The following CCT6A variants were observed in gnomAD, a reference collection of about 807,000 sequenced individuals.
CCT6A encodes T-complex protein 1 subunit zeta.
CCT6A carries 6 observed loss-of-function variants against 58.6 expected under a neutral mutation model. The observed-to-expected ratio is 0.10, with a 90% CI of 0.06 to 0.20. The LOEUF (loss-of-function observed/expected upper bound fraction) is 0.20, where lower values mean the gene tolerates loss of function less well. Among genes scored for constraint, CCT6A ranks in the 10% least tolerant of loss-of-function variants. The probability of loss-of-function intolerance (pLI) is 1.00; values close to 1 mark genes in which losing one functional copy is unlikely to be tolerated. For synonymous variants in CCT6A, 245 were observed against 227.8 expected (o/e 1.08, Z -0.68); for missense variants, 516 against 648.8 (o/e 0.80, Z 2.22).
chr7:56,054,127 T>C (rs972794795), intron 2 of CCT6A, among the ~76,000 whole-genome samples: 4 of 152,188 alleles, frequency 2.6e-5, no homozygotes, highest in African/African-American at 7.2e-5. Context: ...AGTAAACTTC[T>C]ACTGAGCCTC....
intron 5 of CCT6A, among the ~76,000 whole-genome samples, chr7:56,056,851 C>T (rs1222569980): frequency 8.1e-5 from 12 of 148,616 alleles, no homozygotes; most frequent in Non-Finnish European, 1.3e-4. Context: ...CTGGAGTGTA[C>T]AGTGGCATGA....
chr7:56,062,688 C>T lies in CCT6A; in HGVS notation c.1456C>T (p.Pro486Ser). The T allele has an allele frequency of 1.2e-6, 2 of 1,613,618 alleles. No homozygotes were observed. The highest frequency in any genetic ancestry group is 2.2e-5 in the South Asian group (2 of 91,058). ...AAGATTTGGTTGCCTTTTAGGTGAGCCAATGGTGGCAGCAGAAGTAGGCGT... is the reference window on the plus strand; with the variant it reads ...AAGATTTGGTTGCCTTTTAGGTGAGTCAATGGTGGCAGCAGAAGTAGGCGT... ...LVGVDLNTGE[P>S]MVAAEVGVWD... Residue 486 changes from proline (P) to serine (S), a missense_variant, in exon 13 of 14, where the codon CCA becomes TCA. Physicochemically the swap from Pro to Ser is moderately conservative, Grantham distance 74 (BLOSUM62 -1). Coordinates refer to ENST00000275603, the MANE Select transcript of CCT6A (RefSeq NM_001762.4).
rs547804462 is a variant in CCT6A at position 56,055,940 on chromosome 7, C to T, written c.510+143C>T. Reference sequence around the variant, plus strand: ...TGTGGCAATGATACCTAATCTGTGTCTCTAAAAATGAGGAAATTAAAATAA... The same window carrying T: ...TGTGGCAATGATACCTAATCTGTGTTTCTAAAAATGAGGAAATTAAAATAA... On this transcript the variant is annotated intron_variant, in intron 4 of 13. Coordinates refer to ENST00000275603, the MANE Select transcript of CCT6A (RefSeq NM_001762.4). 2.0e-5 allele frequency: 12 copies of T among 598,550 alleles called. No homozygotes were observed. The South Asian group carries it at 2.5e-4, about 12-fold the overall frequency. 37.1% of individuals were successfully genotyped at this position (598,550 alleles called of 1,614,324 possible). A position where few individuals can be genotyped will look rare whatever the true frequency, so the allele number is the denominator to read the frequency against.
At chr7:56,054,793 T>TA (rs2117335858) in intron 3 of CCT6A, among the ~76,000 whole-genome samples, 1 of 152,340 alleles carries the variant, frequency 6.6e-6, no homozygotes, top group African/African-American at 2.4e-5. Context: ...GGACTAGGCA[T>TA]ATTTGTTAGG....
At chr7:56,056,853 G>A (rs1260431539) in intron 5 of CCT6A, among the ~76,000 whole-genome samples, 2 of 149,466 alleles carry the variant, frequency 1.3e-5, no homozygotes, top group African/African-American at 2.5e-5. Flanking sequence ...GGAGTGTACA[G>A]TGGCATGATC....
chr7:56,051,813 C>T lies in CCT6A; in HGVS notation c.-36C>T, dbSNP rs963466545. On this transcript the variant is annotated 5_prime_UTR_variant, in exon 1 of 14. Transcript: ENST00000275603. ...GGCCACGCCGCGCCGGCTCTGGGCA[C>T]TCAGCATCGTTTCCTTTTCCTCCGC... 4.5e-6 allele frequency: 7 copies of T among 1,546,150 alleles called. No homozygotes were observed. The highest frequency in any genetic ancestry group is 6.1e-6 in the Non-Finnish European group (7 of 1,145,720).
chr7:56,052,029 C>T (rs1355157686), intron 1 of CCT6A, 44 bp downstream of exon 1: 4 of 1,391,962 alleles, frequency 2.9e-6, no homozygotes, highest in African/African-American at 3.1e-5. Flanking sequence ...CACCGCGCGC[C>T]GCCGCGCTCC....
intron 3 of CCT6A, among the ~76,000 whole-genome samples, chr7:56,055,078 A>T (rs1371263528): frequency 1.3e-5 from 2 of 152,224 alleles, no homozygotes; most frequent in Non-Finnish European, 2.9e-5. Flanking sequence ...GTTCGAGACC[A>T]GTCTGACCAA....
chr7:56,056,325 C>T lies in CCT6A; in HGVS notation c.525C>T (p.Ser175=), dbSNP rs866085084. 1 of 1,564,292 alleles carries T rather than the reference C, an allele frequency of 6.4e-7. No individual in the cohort carries two copies. Among genetic ancestry groups the T allele is most frequent in the Non-Finnish European group, 8.8e-7 (1 of 1,134,700 alleles). Reference sequence around the variant, plus strand: ...TCCAATTGCAGGCTGTAGTGGACTCCATTTTGGCCATTAAAAAGCAAGATG... The same window carrying T: ...TCCAATTGCAGGCTGTAGTGGACTCTATTTTGGCCATTAAAAAGCAAGATG... ...ADVLTEAVVD[S]ILAIKKQDEP... is the part of the protein sequence containing the mutation. Residue 175 remains serine (S), a synonymous_variant, in exon 5 of 14, where the codon TCC becomes TCT. Coordinates refer to ENST00000275603, the MANE Select transcript of CCT6A (RefSeq NM_001762.4).
In CCT6A at chr7:56,056,410, A is replaced by G; in HGVS notation, c.610A>G (p.Thr204Ala). 3.5e-6 allele frequency: 5 copies of G among 1,433,598 alleles called. No individual in the cohort carries two copies. The highest frequency in any genetic ancestry group is 4.9e-6 in the Non-Finnish European group (5 of 1,015,432). 88.8% of individuals were successfully genotyped at this position (1,433,598 alleles called of 1,614,324 possible). A position where few individuals can be genotyped will look rare whatever the true frequency, so the allele number is the denominator to read the frequency against. ...GATGAAACATAAATCTGAAACTGAT[A>G]CAAGGTAGGTGGTAGAAGACTGTGA... Reference protein sequence around the residue: ...MEMKHKSETDTSLIRGLVLDH... With the variant: ...MEMKHKSETDASLIRGLVLDH... The change falls in exon 5 of 14, where the codon ACA becomes GCA. Residue 204 changes from threonine (T) to alanine (A), a missense_variant. By Grantham distance (58) the Thr-to-Ala change is moderately conservative. Transcript: ENST00000275603.
chr7:56,062,621 C>A, intron 12 of CCT6A, 62 bp from the exon 13 acceptor site: 2 of 1,327,724 alleles, frequency 1.5e-6, no homozygotes, highest in Non-Finnish European at 2.2e-6. Context: ...ATAAGCAAAG[C>A]TGCACACAAT....
Position 56,056,337 on chromosome 7 carries a change from TA to T in CCT6A, c.542del (p.Lys181SerfsTer10). On this transcript the variant is annotated frameshift_variant, in exon 5 of 14. Transcript: ENST00000275603. LOFTEE classifies it high-confidence loss of function. The part of the protein sequence containing the change: ...EAVVDSILAI[K>X]KQDEPIDLFM... The stretch of plus-strand genomic sequence containing the variant: ...CTGTAGTGGACTCCATTTTGGCCAT[TA>T]AAAAGCAAGATGAACCTATTGATCT... 6.3e-7 allele frequency: 1 copy of T among 1,595,368 alleles called. No homozygotes were observed. The highest frequency in any genetic ancestry group is 8.6e-7 in the Non-Finnish European group (1 of 1,162,850).
intron 2 of CCT6A, 79 bp downstream of exon 2, chr7:56,052,564 C>T: frequency 8.1e-7 from 1 of 1,230,176 alleles, no homozygotes; most frequent in Non-Finnish European, 1.2e-6. Flanking sequence ...TTTGCAGTGT[C>T]CATTTTCAAG....
intron 2 of CCT6A, among the ~76,000 whole-genome samples, chr7:56,052,733 TA>T (rs1389648320): frequency 6.6e-6 from 1 of 152,054 alleles, no homozygotes; most frequent in East Asian, 1.9e-4. Flanking sequence ...CTTGAAAAAT[TA>T]AGAGAGGTTG....
At position 56,051,805 on chromosome 7, in the gene CCT6A, T is replaced by C. The variant is rs1292549982; in HGVS notation, c.-44T>C. On this transcript the variant is annotated 5_prime_UTR_variant, in exon 1 of 14. Transcript: ENST00000275603. ...TTCCTCCCGGCCACGCCGCGCCGGC[T>C]CTGGGCACTCAGCATCGTTTCCTTT... The C allele has an allele frequency of 3.0e-5, 46 of 1,542,426 alleles. No individual in the cohort carries two copies. The highest frequency in any genetic ancestry group is 3.9e-5 in the Non-Finnish European group (45 of 1,143,980).
chr7:56,054,212 G>C (rs1794256225), intron 2 of CCT6A, among the ~76,000 whole-genome samples, 157 bp from the exon 3 acceptor site: 1 of 152,224 alleles, frequency 6.6e-6, no homozygotes, highest in African/African-American at 2.4e-5. Flanking sequence ...CATTATAATT[G>C]CATGTGCATG....
chr7:56,055,843 G>GA, intron 4 of CCT6A, 46 bp downstream of exon 4: 1 of 1,345,002 alleles, frequency 7.4e-7, no homozygotes, highest in African/African-American at 1.5e-5. Flanking sequence ...TACCTATATA[G>GA]AAAATCTCTG....
chr7:56,062,370 G>C (rs1443566472), intron 12 of CCT6A, among the ~76,000 whole-genome samples: 1 of 152,108 alleles, frequency 6.6e-6, no homozygotes, highest in Non-Finnish European at 1.5e-5. Context: ...TAATAGAAAA[G>C]GTTTCTGGAA....
intron 2 of CCT6A, among the ~76,000 whole-genome samples, chr7:56,053,411 T>C (rs1794232395): frequency 6.6e-6 from 1 of 152,184 alleles, no homozygotes; most frequent in South Asian, 2.1e-4. Context: ...GTGGGCTCAG[T>C]GGTGGCCCGT....
Sources: gnomAD v4.1 joint callset for allele counts (sites outside exome capture counted in the v4.1 genomes callset) on GRCh38, gnomAD v4.1.1 for gene constraint, MANE v1.5 for transcripts, NCBI Gene and HGNC (gene_info 2026-07-23, HGNC 2026-07-21) for gene names.